The following LIMA1 variants were observed in gnomAD, a reference collection of about 807,000 sequenced individuals.
LIMA1 encodes LIM domain and actin binding 1, also known as LIM domain and actin-binding protein 1.
Under a neutral mutation model 62.6 loss-of-function variants are expected in LIMA1, and 52 were observed. The ratio of observed to expected loss-of-function variants is 0.83; its 90% CI spans 0.67 to 1.05. The LOEUF is 1.05. LIMA1 is among the 50% of genes least tolerant of loss of function. LIMA1 has a pLI of 0.00. For missense variants in LIMA1, 780 were observed against 902.2 expected, an observed-to-expected ratio of 0.86 and a Z score of 1.74; for synonymous variants, 302 against 317.8, an observed-to-expected ratio of 0.95 and a Z score of 0.53.
intron 2 of LIMA1, among the ~76,000 whole-genome samples, chr12:50,247,604 A>AATTATT (rs111550387): frequency 0.18 from 25,020 of 140,452 alleles, 2,541 homozygotes; most frequent in East Asian, 0.27. Context: ...TAAATGCTGG[A>AATTATT]ATTATTATTA....
chr12:50,220,823 A>G (rs992125239), intron 4 of LIMA1, among the ~76,000 whole-genome samples: 1 of 152,262 alleles, frequency 6.6e-6, no homozygotes, highest in Non-Finnish European at 1.5e-5. Flanking sequence ...AAGAAACGTT[A>G]TAAAACTGCT....
At chr12:50,237,723 T>C (rs908871215) in intron 2 of LIMA1, among the ~76,000 whole-genome samples, 1 of 152,144 alleles carries the variant, frequency 6.6e-6, no homozygotes, top group Non-Finnish European at 1.5e-5. Context: ...AACAGTATGA[T>C]ACTGGCATAA....
Position 50,206,058 on chromosome 12 carries a change from G to A in LIMA1, c.641C>T (p.Ala214Val). Reference protein sequence around the residue: ...GEPTQTKILRAQSRSASGRKI... With the variant: ...GEPTQTKILRVQSRSASGRKI... The stretch of plus-strand genomic sequence containing the variant: ...CCTTCCACTTGCACTTCGGCTTTGG[G>A]CCCGGAGAATCTGGAAAACGAAACC... The change falls in exon 5 of 11, where the codon GCC (alanine) becomes GTC (valine). Residue 214 changes from alanine to valine, a missense_variant. By Grantham distance (64) the Ala-to-Val change is moderately conservative. Coordinates refer to ENST00000341247, the MANE Select transcript of LIMA1 (RefSeq NM_016357.5). 1 of 1,611,848 alleles carries A rather than the reference G, an allele frequency of 6.2e-7. No homozygotes were observed. Among genetic ancestry groups the A allele is most frequent in the Admixed American group, 1.7e-5 (1 of 59,964 alleles).
intron 1 of LIMA1, 120 bp from the exon 2 acceptor site, chr12:50,248,894 C>G (rs1565858199): frequency 1.6e-6 from 1 of 642,486 alleles, no homozygotes; most frequent in African/African-American, 1.8e-5. Flanking sequence ...TGTTCTCCCC[C>G]AAACTGTGTA....
intron 2 of LIMA1, among the ~76,000 whole-genome samples, chr12:50,239,626 CGA>C (rs1388211465): frequency 2.3e-5 from 3 of 133,198 alleles, no homozygotes; most frequent in African/African-American, 8.3e-5. Flanking sequence ...GGTGATAAAG[CGA>C]GACTCTGTCT....
chr12:50,205,861 T>C (rs1941142559), intron 5 of LIMA1, 123 bp downstream of exon 5: 11 of 467,530 alleles, frequency 2.4e-5, no homozygotes, highest in South Asian at 4.0e-5. Flanking sequence ...TTGCATCTAA[T>C]AGGCAGACTT....
chr12:50,182,711 G>C (rs1940532297), intron 9 of LIMA1, among the ~76,000 whole-genome samples: 1 of 152,268 alleles, frequency 6.6e-6, no homozygotes, highest in East Asian at 1.9e-4. Context: ...CCAATGGAGA[G>C]AAAAACTAAT....
At chr12:50,272,540 C>T (rs958546439) in intron 1 of LIMA1, among the ~76,000 whole-genome samples, 2 of 142,396 alleles carry the variant, frequency 1.4e-5, no homozygotes, top group Admixed American at 7.1e-5. Flanking sequence ...TGCAGTGAGC[C>T]GAGCTCGTGC....
chr12:50,260,434 C>T (rs1252807708), intron 1 of LIMA1, among the ~76,000 whole-genome samples: 3 of 152,182 alleles, frequency 2.0e-5, no homozygotes, highest in Non-Finnish European at 2.9e-5. Context: ...GAGGCGTGAG[C>T]CACCACGCCC....
At chr12:50,207,019 G>A (rs556955909) in intron 4 of LIMA1, among the ~76,000 whole-genome samples, 4 of 152,140 alleles carry the variant, frequency 2.6e-5, no homozygotes, top group South Asian at 4.2e-4. Context: ...CCGCCTCCCA[G>A]GTTCAAGTGA....
chr12:50,270,604 CAAAAAAAAAAAAA>C (rs150300834), intron 1 of LIMA1, among the ~76,000 whole-genome samples: 3,172 of 71,784 alleles, frequency 0.044, 69 homozygotes, highest in Middle Eastern at 0.1. Context: ...GACCTTATCT[CAAAAAAAAAAAAA>C]AAAAAAAAAA....
chr12:50,241,142 C>CA (rs1465539154), intron 2 of LIMA1, among the ~76,000 whole-genome samples: 1 of 152,144 alleles, frequency 6.6e-6, no homozygotes, highest in Non-Finnish European at 1.5e-5. Flanking sequence ...TTCACCATTG[C>CA]AAATAACGCT....
chr12:50,205,266 T>C (rs1161384163), intron 5 of LIMA1, among the ~76,000 whole-genome samples: 2 of 148,494 alleles, frequency 1.3e-5, no homozygotes, highest in Non-Finnish European at 3.0e-5. Context: ...TCTGTAGAGA[T>C]AGGTCTATGT....
intron 1 of LIMA1, among the ~76,000 whole-genome samples, chr12:50,274,389 T>A (rs896083967): frequency 6.6e-6 from 1 of 152,098 alleles, no homozygotes; most frequent in African/African-American, 2.4e-5. Flanking sequence ...ATGCAGACCA[T>A]CCTGGCCAAC....
intron 1 of LIMA1, among the ~76,000 whole-genome samples, chr12:50,276,025 G>C (rs1045027632): frequency 6.6e-6 from 1 of 151,978 alleles, no homozygotes; most frequent in Non-Finnish European, 1.5e-5. Flanking sequence ...ACCACTGCCA[G>C]GTAATTCTAA....
intron 1 of LIMA1, among the ~76,000 whole-genome samples, chr12:50,251,353 G>A (rs1941927355): frequency 6.6e-6 from 1 of 152,094 alleles, no homozygotes; most frequent in African/African-American, 2.4e-5. Context: ...AGGCACGGTG[G>A]CTCACACCTG....
intron 4 of LIMA1, among the ~76,000 whole-genome samples, chr12:50,213,767 T>C (rs1408251886): frequency 1.3e-5 from 2 of 152,206 alleles, no homozygotes; most frequent in East Asian, 3.8e-4. Flanking sequence ...ATGAAGTCTT[T>C]CTAGCCCCCT....
At chr12:50,244,193 G>A (rs965746300) in intron 2 of LIMA1, among the ~76,000 whole-genome samples, 4 of 152,040 alleles carry the variant, frequency 2.6e-5, no homozygotes, top group African/African-American at 9.7e-5. Context: ...CCGCCCCCCA[G>A]GTCCCAGTTA....
chr12:50,262,911 A>G (rs1942089619), intron 1 of LIMA1, among the ~76,000 whole-genome samples: 1 of 152,186 alleles, frequency 6.6e-6, no homozygotes, highest in Admixed American at 6.5e-5. Context: ...TGCCCACTTC[A>G]ATTTCATGTT....
Sources: gnomAD v4.1 joint callset for allele counts (sites outside exome capture counted in the v4.1 genomes callset) on GRCh38, gnomAD v4.1.1 for gene constraint, MANE v1.5 for transcripts, NCBI Gene and HGNC (gene_info 2026-07-23, HGNC 2026-07-21) for gene names.